GAP43: variants seen among roughly 807,000 people sequenced by gnomAD.
The protein encoded by GAP43 is neuromodulin.
In GAP43, 6 loss-of-function variants were observed where a neutral mutation model predicts 18.6. That is an observed-to-expected ratio of 0.32 (90% CI 0.18 to 0.64). The LOEUF is 0.64. GAP43 is among the 30% of genes least tolerant of loss of function. GAP43 has a pLI of 0.78. For missense variants in GAP43, 292 were observed against 295.5 expected, an observed-to-expected ratio of 0.99 and a Z score of 0.09; for synonymous variants, 115 against 111.4, an observed-to-expected ratio of 1.03 and a Z score of -0.20.
chr3:115,713,533 C>CT (rs1165801542), intron 2 of GAP43, among the ~76,000 whole-genome samples: 2 of 152,248 alleles, frequency 1.3e-5, no homozygotes, highest in African/African-American at 4.8e-5. Flanking sequence ...ACCAGGCTGC[C>CT]TGGCTGAGCG....
At chr3:115,692,735 G>A (rs1160650184) in intron 2 of GAP43, among the ~76,000 whole-genome samples, 1 of 152,150 alleles carries the variant, frequency 6.6e-6, no homozygotes, top group African/African-American at 2.4e-5. Flanking sequence ...GGTGGTTAAA[G>A]TTTTTACTTC....
At chr3:115,696,896 A>G (rs1709198804) in intron 2 of GAP43, among the ~76,000 whole-genome samples, 1 of 151,542 alleles carries the variant, frequency 6.6e-6, no homozygotes, top group Non-Finnish European at 1.5e-5. Context: ...GTAGTGGTGC[A>G]ATCTCAGCTC....
intron 2 of GAP43, among the ~76,000 whole-genome samples, chr3:115,711,464 T>C (rs990670883): frequency 4.0e-5 from 6 of 150,430 alleles, no homozygotes; most frequent in Admixed American, 2.7e-4. Context: ...TGATAAAGTT[T>C]GGGCACACGT....
Position 115,676,511 on chromosome 3 carries a change from G to C in GAP43, c.529G>C (p.Ala177Pro). The stretch of plus-strand genomic sequence containing the variant: ...CGATGTGCCTGCTGCTGTCACTGCT[G>C]CTGCTGCCACCACCCCTGCCGCAGA... The part of the protein sequence containing the change: ...QADVPAAVTA[A>P]AATTPAAEDA... The change falls in exon 2 of 3, where the codon GCT (alanine) becomes CCT (proline). Residue 177 changes from alanine (A) to proline (P), a missense_variant. Coordinates refer to ENST00000305124, the MANE Select transcript of GAP43 (RefSeq NM_002045.4). 6.2e-7 allele frequency: 1 copy of C among 1,613,750 alleles called. No individual in the cohort carries two copies. The highest frequency in any genetic ancestry group is 8.5e-7 in the Non-Finnish European group (1 of 1,179,968).
intron 2 of GAP43, among the ~76,000 whole-genome samples, chr3:115,718,784 A>G (rs1325633799): frequency 1.3e-5 from 2 of 152,172 alleles, no homozygotes; most frequent in Non-Finnish European, 2.9e-5. Context: ...AACCTAACCT[A>G]TTTTCAAAAA....
intron 1 of GAP43, among the ~76,000 whole-genome samples, chr3:115,625,039 C>T (rs2107461903): frequency 6.6e-6 from 1 of 151,942 alleles, no homozygotes; most frequent in South Asian, 2.1e-4. Flanking sequence ...AATACACTCC[C>T]TGAATCCGAA....
chr3:115,672,732 C>CCCTCT (rs549128955), intron 1 of GAP43, among the ~76,000 whole-genome samples: 9,767 of 107,506 alleles, frequency 0.091, 700 homozygotes, highest in African/African-American at 0.15. Context: ...CTTCCCACAT[C>CCCTCT]CCTCTCCTCT....
At chr3:115,630,846 CT>C (rs1708252135) in intron 1 of GAP43, among the ~76,000 whole-genome samples, 1 of 152,154 alleles carries the variant, frequency 6.6e-6, no homozygotes, top group Non-Finnish European at 1.5e-5. Context: ...TTTCTTCAAA[CT>C]TTCTAAAAAG....
chr3:115,713,329 T>C (rs1368712646), intron 2 of GAP43, among the ~76,000 whole-genome samples: 1 of 152,192 alleles, frequency 6.6e-6, no homozygotes, highest in East Asian at 1.9e-4. Flanking sequence ...AGCTTCTATT[T>C]AATCAATGTT....
chr3:115,663,659 A>G (rs1050057399), intron 1 of GAP43: 12 of 1,433,900 alleles, frequency 8.4e-6, no homozygotes, highest in African/African-American at 1.4e-5. Flanking sequence ...TGCTTAAAAA[A>G]TTTTATTTCT....
chr3:115,669,981 TTTAA>T (rs1321242573), intron 1 of GAP43, among the ~76,000 whole-genome samples: 2 of 135,526 alleles, frequency 1.5e-5, no homozygotes, highest in African/African-American at 5.9e-5. Context: ...ATTTTTTTTT[TTTAA>T]TTTTTTTTTT....
At chr3:115,711,200 T>C (rs1485609698) in intron 2 of GAP43, among the ~76,000 whole-genome samples, 1 of 152,180 alleles carries the variant, frequency 6.6e-6, no homozygotes, top group Non-Finnish European at 1.5e-5. Context: ...TCAAAGTTCT[T>C]AAATAAAGCT....
chr3:115,643,636 C>T (rs1473564305), intron 1 of GAP43, among the ~76,000 whole-genome samples: 2 of 152,008 alleles, frequency 1.3e-5, no homozygotes, highest in Non-Finnish European at 2.9e-5. Flanking sequence ...TCTACTCAAA[C>T]TCACCTGTTT....
intron 1 of GAP43, among the ~76,000 whole-genome samples, chr3:115,645,508 G>A (rs1293849450): frequency 1.3e-5 from 2 of 151,854 alleles, no homozygotes. Context: ...TTTGGCTTCT[G>A]TCAAACTTCA....
At chr3:115,624,177 G>C (rs1224780762) in intron 1 of GAP43, among the ~76,000 whole-genome samples, 1 of 152,166 alleles carries the variant, frequency 6.6e-6, no homozygotes, top group Non-Finnish European at 1.5e-5. Flanking sequence ...ATGTGCTGCG[G>C]AAGATGCCTT....
intron 1 of GAP43, among the ~76,000 whole-genome samples, chr3:115,667,084 A>C (rs1331167325): frequency 6.6e-6 from 1 of 152,162 alleles, no homozygotes; most frequent in Non-Finnish European, 1.5e-5. Flanking sequence ...CTCTCTGAGC[A>C]CCAACACAGT....
intron 2 of GAP43, among the ~76,000 whole-genome samples, chr3:115,682,650 C>T (rs2107352004): frequency 6.6e-6 from 1 of 152,278 alleles, no homozygotes; most frequent in South Asian, 2.1e-4. Flanking sequence ...GATTCTCCTG[C>T]CTCAACCTCC....
chr3:115,670,841 C>T (rs1459396063), intron 1 of GAP43, among the ~76,000 whole-genome samples: 10 of 152,244 alleles, frequency 6.6e-5, no homozygotes, highest in South Asian at 6.2e-4. Flanking sequence ...AGGATATCTC[C>T]GGCCTTTCAA....
rs533264619 is a variant in GAP43 at position 115,668,895 on chromosome 3, T to C, written c.31-7118T>C. Among the ~76,000 whole-genome samples the C allele has an allele frequency of 4.6e-5, 7 of 152,094 alleles. No individual in the cohort carries two copies. The South Asian group carries it at 1.5e-3, about 32-fold the overall frequency. On this transcript the variant is annotated intron_variant, in intron 1 of 2. Coordinates refer to ENST00000305124, the MANE Select transcript of GAP43 (RefSeq NM_002045.4). ...CCATCTCTACAAAAAATATAAAAAT[T>C]AGCTGGGCATGGTGGCACATAGCTG...
Sources: gnomAD v4.1 joint callset for allele counts (sites outside exome capture counted in the v4.1 genomes callset) on GRCh38, gnomAD v4.1.1 for gene constraint, MANE v1.5 for transcripts, NCBI Gene and HGNC (gene_info 2026-07-23, HGNC 2026-07-21) for gene names.